The following ERI1 variants were observed in gnomAD, a reference collection of about 807,000 sequenced individuals.
The protein encoded by ERI1 is exoribonuclease 1, also known as 3'-5' exoribonuclease 1.
A neutral mutation model predicts 39.7 loss-of-function variants in ERI1; 39 were observed. That is an observed-to-expected ratio of 0.98 (90% CI 0.76 to 1.28). ERI1 has a LOEUF of 1.28. Among genes scored for constraint, ERI1 ranks in the 50% most tolerant of loss-of-function variants. The probability of loss-of-function intolerance (pLI) is 0.00; values close to 1 mark genes in which losing one functional copy is unlikely to be tolerated. For synonymous variants in ERI1, 204 were observed against 149.6 expected (o/e 1.36, Z -2.65); for missense variants, 581 against 416.9 (o/e 1.39, Z -3.43).
At chr8:9,010,428 A>G (rs192347389) in intron 2 of ERI1, among the ~76,000 whole-genome samples, 94 of 152,358 alleles carry the variant, frequency 6.2e-4, no homozygotes, top group Non-Finnish European at 1.1e-3. Context: ...GGTCTTGATA[A>G]TTTTGAAAAT....
At chr8:9,092,398 G>T (rs1799736546) in intron 3 of ERI1, among the ~76,000 whole-genome samples, 1 of 152,188 alleles carries the variant, frequency 6.6e-6, no homozygotes, top group Non-Finnish European at 1.5e-5. Flanking sequence ...CACATGGCCT[G>T]TGGTCAGGCT....
intron 3 of ERI1, among the ~76,000 whole-genome samples, chr8:9,050,859 C>T (rs1292034237): frequency 1.3e-5 from 2 of 151,972 alleles, no homozygotes; most frequent in Non-Finnish European, 2.9e-5. Flanking sequence ...GCTGTGGGGA[C>T]CAAAGAGATA....
At chr8:9,069,848 G>A (rs919661070) in intron 3 of ERI1, among the ~76,000 whole-genome samples, 1 of 152,182 alleles carries the variant, frequency 6.6e-6, no homozygotes, top group Non-Finnish European at 1.5e-5. Flanking sequence ...TTTCCTCCCT[G>A]AGTATTTTAA....
At chr8:9,021,160 C>G (rs907424081) in intron 6 of ERI1, among the ~76,000 whole-genome samples, 1 of 152,170 alleles carries the variant, frequency 6.6e-6, no homozygotes, top group Non-Finnish European at 1.5e-5. Context: ...GTGTCCACAA[C>G]TTTCCCCTGG....
intron 3 of ERI1, among the ~76,000 whole-genome samples, chr8:9,047,007 A>T (rs763740724): frequency 3.9e-5 from 6 of 152,174 alleles, no homozygotes; most frequent in Non-Finnish European, 8.8e-5. Flanking sequence ...GTTAGGTTTT[A>T]GCATATGGCA....
intron 3 of ERI1, among the ~76,000 whole-genome samples, chr8:9,079,905 C>T (rs998728654): frequency 6.6e-6 from 1 of 151,398 alleles, no homozygotes; most frequent in Non-Finnish European, 1.5e-5. Context: ...ACCTAGGCTC[C>T]AGCAGTCCTC....
intron 6 of ERI1, among the ~76,000 whole-genome samples, chr8:9,028,349 T>G (rs1797332308): frequency 6.6e-6 from 1 of 152,232 alleles, no homozygotes; most frequent in Admixed American, 6.5e-5. Context: ...TTATCCAGTG[T>G]GTTGGGCAAA....
intron 3 of ERI1, chr8:9,049,771 C>G (rs571732559): frequency 1.0e-3 from 159 of 152,248 alleles, no homozygotes; most frequent in African/African-American, 3.2e-3. Context: ...GAATACTAGC[C>G]CTCCCAAAGG....
At chr8:9,072,660 C>T (rs1043004490) in intron 3 of ERI1, 2 of 152,060 alleles carry the variant, frequency 1.3e-5, no homozygotes, top group Non-Finnish European at 2.9e-5. Context: ...CTTCATAAAT[C>T]AGCCCTTTGA....
chr8:9,028,973 GTTTTTTTTTTTT>G (rs34569795), intron 6 of ERI1, among the ~76,000 whole-genome samples: 1 of 113,104 alleles, frequency 8.8e-6, no homozygotes, highest in Non-Finnish European at 1.8e-5. Context: ...GAGTGTGAGA[GTTTTTTTTTTTT>G]TTTTTTTTTT....
chr8:9,018,047 G>A (rs1223338812), intron 4 of ERI1, among the ~76,000 whole-genome samples: 1 of 152,138 alleles, frequency 6.6e-6, no homozygotes, highest in Non-Finnish European at 1.5e-5. Context: ...GAACCACTGG[G>A]GATGATCTTA....
intron 3 of ERI1, among the ~76,000 whole-genome samples, chr8:9,077,358 G>T (rs1016263026): frequency 1.3e-5 from 2 of 152,096 alleles, no homozygotes; most frequent in Admixed American, 6.5e-5. Context: ...CCTTCTGAAG[G>T]TTCAATAATT....
At chr8:9,021,097 C>G (rs559022241) in intron 6 of ERI1, among the ~76,000 whole-genome samples, 2 of 152,206 alleles carry the variant, frequency 1.3e-5, no homozygotes, top group African/African-American at 4.8e-5. Context: ...TACTATAGCT[C>G]TATTACCTTT....
intron 3 of ERI1, among the ~76,000 whole-genome samples, chr8:9,047,760 G>C (rs577314811): frequency 6.6e-6 from 1 of 152,270 alleles, no homozygotes; most frequent in Admixed American, 6.5e-5. Context: ...CCTTCCAACA[G>C]AGCAGTTCCA....
downstream of ERI1, among the ~76,000 whole-genome samples, chr8:9,034,281 A>G (rs1447240926): frequency 6.6e-6 from 1 of 152,266 alleles, no homozygotes; most frequent in African/African-American, 2.4e-5. Flanking sequence ...AATACTGCTC[A>G]ATCATTGTGG....
intron 2 of ERI1, among the ~76,000 whole-genome samples, chr8:9,008,354 G>A (rs1725609114): frequency 6.6e-6 from 1 of 152,092 alleles, no homozygotes; most frequent in Non-Finnish European, 1.5e-5. Context: ...CTGAATCAAA[G>A]TCAAATATTT....
At chr8:9,039,138 T>A (rs189687408) in intron 3 of ERI1, among the ~76,000 whole-genome samples, 1 of 152,352 alleles carries the variant, frequency 6.6e-6, no homozygotes, top group East Asian at 1.9e-4. Context: ...CAAATAATTA[T>A]TCATTATACC....
Position 9,030,249 on chromosome 8 carries a change from C to T in ERI1, c.*215C>T, listed in dbSNP as rs150068853. ...CAGCACTTTTGATATGAACAGTATT[C>T]GTTACATAGTAACAGTTCCTGCTTA... is the stretch of plus-strand genomic sequence containing the variant. On this transcript the variant is annotated 3_prime_UTR_variant, in exon 7 of 7. Transcript: ENST00000250263. 7.9e-5 allele frequency: 45 copies of T among 566,220 alleles called. No homozygotes were observed. Among genetic ancestry groups the T allele is most frequent in the Middle Eastern group, 4.7e-4 (1 of 2,116 alleles). 35.1% of individuals were successfully genotyped at this position (566,220 alleles called of 1,614,324 possible).
At chr8:9,018,589 C>G (rs1056103888) in intron 5 of ERI1, among the ~76,000 whole-genome samples, 183 bp downstream of exon 5, 5 of 152,172 alleles carry the variant, frequency 3.3e-5, no homozygotes, top group Non-Finnish European at 7.3e-5. Flanking sequence ...TGGTCACAGT[C>G]CAATACAGGA....
Sources: allele counts gnomAD v4.1 joint callset (sites outside exome capture counted in the v4.1 genomes callset), GRCh38; gene constraint gnomAD v4.1.1; transcripts MANE v1.5; gene names NCBI Gene and HGNC (gene_info 2026-07-23, HGNC 2026-07-21).